The following PID1 variants were observed in gnomAD, a reference collection of about 807,000 sequenced individuals.
The protein encoded by PID1 is PTB-containing, cubilin and LRP1-interacting protein.
PID1 carries 10 observed loss-of-function variants against 19.1 expected under a neutral mutation model. That is an observed-to-expected ratio of 0.52 (90% CI 0.32 to 0.89). The LOEUF (loss-of-function observed/expected upper bound fraction) is 0.89. PID1 is among the 40% of genes least tolerant of loss of function. PID1 has a pLI of 0.03. For missense variants in PID1, 248 were observed against 285.3 expected (o/e 0.87, Z 0.94); for synonymous variants, 130 against 116.0 (o/e 1.12, Z -0.78).
chr2:229,166,241 T>C (rs1690594240), intron 1 of PID1, among the ~76,000 whole-genome samples: 1 of 152,200 alleles, frequency 6.6e-6, no homozygotes, highest in Non-Finnish European at 1.5e-5. Context: ...TCCATTTATA[T>C]AGCATTGTAG....
At chr2:229,081,464 A>T (rs1475220037) in intron 2 of PID1, among the ~76,000 whole-genome samples, 4 of 152,228 alleles carry the variant, frequency 2.6e-5, no homozygotes, top group African/African-American at 9.6e-5. Flanking sequence ...CTTTAATGAA[A>T]GGAGAAATAA....
At chr2:229,255,446 C>A (rs1203793893) in intron 1 of PID1, among the ~76,000 whole-genome samples, 5 of 152,180 alleles carry the variant, frequency 3.3e-5, no homozygotes, top group African/African-American at 1.2e-4. Context: ...AACGGAGATT[C>A]TCTAAATAGA....
intron 1 of PID1, among the ~76,000 whole-genome samples, chr2:229,182,787 T>C (rs1472493028): frequency 1.3e-5 from 2 of 152,214 alleles, no homozygotes; most frequent in Non-Finnish European, 1.5e-5. Context: ...TGTGGATCTA[T>C]GCCCAGGTCT....
At chr2:229,213,687 A>G (rs1012344281) in intron 1 of PID1, among the ~76,000 whole-genome samples, 2 of 152,202 alleles carry the variant, frequency 1.3e-5, no homozygotes, top group African/African-American at 4.8e-5. Context: ...TCAAAGGTAA[A>G]CATTATATCT....
At chr2:229,148,444 GTTAGGAGAATGAGCAC>G (rs1245285362) in intron 2 of PID1, among the ~76,000 whole-genome samples, 37 of 152,300 alleles carry the variant, frequency 2.4e-4, no homozygotes, top group African/African-American at 8.7e-4. Flanking sequence ...GAACAAGGAG[GTTAGGAGAATGAGCAC>G]TGGACAGGGT....
chr2:229,033,595 G>C (rs973304136), intron 2 of PID1, among the ~76,000 whole-genome samples: 5 of 151,924 alleles, frequency 3.3e-5, no homozygotes, highest in African/African-American at 1.2e-4. Context: ...TGGGTTGATG[G>C]GTGCAGCAAA....
intron 1 of PID1, chr2:229,232,230 T>A: frequency 1.9e-6 from 2 of 1,026,056 alleles, no homozygotes; most frequent in South Asian, 2.4e-5. Flanking sequence ...AAGACCATCC[T>A]GGCTAACACA....
intron 1 of PID1, among the ~76,000 whole-genome samples, chr2:229,193,691 T>C (rs1691311763): frequency 6.6e-6 from 1 of 151,914 alleles, no homozygotes; most frequent in Admixed American, 6.6e-5. Context: ...TGAGAGAGTA[T>C]GTGTGTGTGA....
chr2:229,098,610 A>G (rs184131083), intron 2 of PID1, among the ~76,000 whole-genome samples: 1 of 152,238 alleles, frequency 6.6e-6, no homozygotes, highest in Non-Finnish European at 1.5e-5. Context: ...TTAGGATAAC[A>G]TTTCATCCCA....
At chr2:229,089,669 T>C (rs906605848) in intron 2 of PID1, among the ~76,000 whole-genome samples, 7 of 152,166 alleles carry the variant, frequency 4.6e-5, no homozygotes, top group African/African-American at 1.7e-4. Context: ...ACATAATTAA[T>C]TACCACATGA....
chr2:229,269,601 G>A (rs993581529), intron 1 of PID1, among the ~76,000 whole-genome samples: 7 of 152,198 alleles, frequency 4.6e-5, no homozygotes, highest in Non-Finnish European at 8.8e-5. Context: ...CTGCTCCTTT[G>A]GAATAGAAGT....
chr2:229,192,120 A>T (rs981114158), intron 1 of PID1, among the ~76,000 whole-genome samples: 1 of 152,260 alleles, frequency 6.6e-6, no homozygotes, highest in African/African-American at 2.4e-5. Flanking sequence ...AACCAAAAAA[A>T]TACAGAAAAT....
chr2:229,082,512 T>C (rs1694687650), intron 2 of PID1, among the ~76,000 whole-genome samples: 1 of 152,200 alleles, frequency 6.6e-6, no homozygotes, highest in Non-Finnish European at 1.5e-5. Flanking sequence ...AATTTTGTTT[T>C]TAAAAACCGA....
intron 2 of PID1, among the ~76,000 whole-genome samples, chr2:229,123,795 T>G (rs1009455860): frequency 1.3e-5 from 2 of 152,228 alleles, no homozygotes; most frequent in African/African-American, 4.8e-5. Flanking sequence ...ATATGCTTAT[T>G]GACCCTTTGT....
chr2:229,093,850 A>G (rs1459884120), intron 2 of PID1, among the ~76,000 whole-genome samples: 3 of 152,234 alleles, frequency 2.0e-5, no homozygotes, highest in African/African-American at 7.2e-5. Context: ...AGCCAGCATC[A>G]CATTGAATAG....
chr2:229,170,449 C>A (rs748286970), intron 1 of PID1, among the ~76,000 whole-genome samples: 4 of 152,084 alleles, frequency 2.6e-5, no homozygotes, highest in Non-Finnish European at 4.4e-5. Context: ...GGCACATGCA[C>A]GCATTTACAA....
At chr2:229,210,110 T>C (rs1471963679) in intron 1 of PID1, among the ~76,000 whole-genome samples, 1 of 151,168 alleles carries the variant, frequency 6.6e-6, no homozygotes, top group East Asian at 1.9e-4. Flanking sequence ...TCTGAGATGG[T>C]TTAGTATCAG....
chr2:229,241,207 C>A (rs1689857960), intron 1 of PID1, among the ~76,000 whole-genome samples: 3 of 151,994 alleles, frequency 2.0e-5, no homozygotes, highest in Admixed American at 6.6e-5. Context: ...TTTATTGACT[C>A]CTTTTTCTCT....
At chr2:229,152,281 G>T (rs2106192201) in intron 2 of PID1, among the ~76,000 whole-genome samples, 1 of 152,232 alleles carries the variant, frequency 6.6e-6, no homozygotes, top group East Asian at 1.9e-4. Context: ...CAAAATTTCT[G>T]GGAAGAAGGT....
Sources: allele counts gnomAD v4.1 joint callset (sites outside exome capture counted in the v4.1 genomes callset), GRCh38; gene constraint gnomAD v4.1.1; transcripts MANE v1.5; gene names NCBI Gene and HGNC (gene_info 2026-07-23, HGNC 2026-07-21).